Variants in TNR observed in about 807,000 individuals in gnomAD.
TNR encodes tenascin R.
TNR carries 45 observed loss-of-function variants against 150.4 expected under a neutral mutation model. The observed-to-expected ratio is 0.30, with a 90% CI of 0.24 to 0.38. The LOEUF is 0.38. Ranked by LOEUF, TNR falls within the 10% of genes least tolerant of loss-of-function variation. The pLI, the probability that TNR is intolerant of heterozygous loss-of-function variation, is 1.00. For missense variants in TNR, 1,544 were observed against 1,759.1 expected (o/e 0.88, Z 2.19); for synonymous variants, 687 against 678.4 (o/e 1.01, Z -0.20).
rs74127346 is a variant in TNR, at chr1:175,570,248, C to T, written c.-164-41879G>A. Among the ~76,000 whole-genome samples the T allele has an allele frequency of 9.3e-3, 1,422 of 152,298 alleles. 24 individuals are homozygous for T. Among genetic ancestry groups the T allele is most frequent in the African/African-American group, 0.032 (1,345 of 41,568 alleles). The stretch of plus-strand genomic sequence containing the variant: ...GCCCAGGATGAACTTTACAAACCCA[C>T]CTCAATTTCAGGCCGAGGGGCAGGG... On this transcript the variant is annotated intron_variant, in intron 1 of 22. Transcript: ENST00000367674.
intron 1 of TNR, among the ~76,000 whole-genome samples, chr1:175,680,083 C>G (rs1665983676): frequency 1.3e-5 from 2 of 152,192 alleles, no homozygotes; most frequent in South Asian, 4.1e-4. Context: ...CCAACAACCA[C>G]CCAGCTGCTC....
At chr1:175,716,071 A>T (rs1296339018) in intron 1 of TNR, among the ~76,000 whole-genome samples, 1 of 152,104 alleles carries the variant, frequency 6.6e-6, no homozygotes, top group Non-Finnish European at 1.5e-5. Flanking sequence ...GGCTAATGCA[A>T]ATGGAACAAT....
chr1:175,558,718 G>A (rs1204226903), intron 1 of TNR, among the ~76,000 whole-genome samples: 1 of 152,086 alleles, frequency 6.6e-6, no homozygotes, highest in Non-Finnish European at 1.5e-5. Context: ...TAGTTATTAT[G>A]TTTCCTCTTT....
intron 1 of TNR, among the ~76,000 whole-genome samples, chr1:175,732,388 G>C (rs951354839): frequency 1.3e-5 from 2 of 152,198 alleles, no homozygotes; most frequent in South Asian, 4.1e-4. Context: ...ACACTACCTT[G>C]TGAGACTGGA....
chr1:175,681,042 C>T (rs1666018915), intron 1 of TNR, among the ~76,000 whole-genome samples: 1 of 152,086 alleles, frequency 6.6e-6, no homozygotes, highest in Non-Finnish European at 1.5e-5. Flanking sequence ...GTGCCTGGCA[C>T]ATAGGAAGAC....
chr1:175,340,093 A>G (rs1356325333), intron 18 of TNR, among the ~76,000 whole-genome samples: 1 of 152,222 alleles, frequency 6.6e-6, no homozygotes, highest in Non-Finnish European at 1.5e-5. Flanking sequence ...GAATAAAATT[A>G]TCTTAAGAAA....
chr1:175,499,601 C>T (rs1017332445), intron 2 of TNR, among the ~76,000 whole-genome samples: 3 of 152,214 alleles, frequency 2.0e-5, no homozygotes, highest in Non-Finnish European at 4.4e-5. Context: ...TCCCTGTGTC[C>T]TATGCAAAGG....
intron 2 of TNR, among the ~76,000 whole-genome samples, chr1:175,486,881 T>C (rs1658040636): frequency 6.6e-6 from 1 of 152,262 alleles, no homozygotes; most frequent in South Asian, 2.1e-4. Flanking sequence ...CCAGTGATGA[T>C]GAACTTTTTT....
At chr1:175,680,435 G>A (rs958625924) in intron 1 of TNR, among the ~76,000 whole-genome samples, 29 of 152,090 alleles carry the variant, frequency 1.9e-4, no homozygotes, top group African/African-American at 6.5e-4. Flanking sequence ...TGAGAAAGGC[G>A]GGAGTGTGTT....
At chr1:175,429,099 A>G (rs1557928756) in intron 2 of TNR, among the ~76,000 whole-genome samples, 1 of 152,190 alleles carries the variant, frequency 6.6e-6, no homozygotes, top group East Asian at 1.9e-4. Context: ...AGAATATTCT[A>G]TGATATGGGT....
At chr1:175,373,070 T>C (rs1017097241) in intron 9 of TNR, among the ~76,000 whole-genome samples, 3 of 152,298 alleles carry the variant, frequency 2.0e-5, no homozygotes, top group African/African-American at 7.2e-5. Flanking sequence ...TGAGAAAACA[T>C]GCACAGAAGC....
intron 20 of TNR, 173 bp from the exon 21 acceptor site, chr1:175,330,408 T>C: frequency 1.6e-6 from 1 of 637,176 alleles, no homozygotes. Context: ...CCAGACTGAA[T>C]TTCTTCCTGC....
chr1:175,535,282 C>A (rs1660229289), intron 1 of TNR, among the ~76,000 whole-genome samples: 1 of 152,180 alleles, frequency 6.6e-6, no homozygotes, highest in Non-Finnish European at 1.5e-5. Context: ...AATAATCCTA[C>A]CTGCAGCAGA....
intron 1 of TNR, among the ~76,000 whole-genome samples, chr1:175,648,180 C>T (rs911438335): frequency 4.6e-5 from 7 of 152,092 alleles, no homozygotes; most frequent in African/African-American, 1.4e-4. Flanking sequence ...TAGCTGTCAC[C>T]GTCCCTAACG....
chr1:175,367,106 G>T, intron 10 of TNR, 102 bp downstream of exon 10: 1 of 984,382 alleles, frequency 1.0e-6, no homozygotes, highest in Non-Finnish European at 1.6e-6. Context: ...CTGTTCACTG[G>T]AAGACATTGC....
At chr1:175,627,720 GA>G (rs1488606495) in intron 1 of TNR, among the ~76,000 whole-genome samples, 1 of 150,442 alleles carries the variant, frequency 6.6e-6, no homozygotes, top group Non-Finnish European at 1.5e-5. Flanking sequence ...CCCCCAAAAT[GA>G]CTAAGATCAG....
intron 1 of TNR, among the ~76,000 whole-genome samples, chr1:175,529,702 T>C (rs1210398608): frequency 6.6e-6 from 1 of 152,232 alleles, no homozygotes; most frequent in African/African-American, 2.4e-5. Flanking sequence ...GGGGGGCAGA[T>C]AGCTCTGAGA....
At chr1:175,661,220 G>A (rs921160430) in intron 1 of TNR, among the ~76,000 whole-genome samples, 24 of 152,224 alleles carry the variant, frequency 1.6e-4, no homozygotes, top group African/African-American at 4.8e-4. Context: ...AGCCACCCTC[G>A]CTGAGGCACC....
At chr1:175,435,077 C>T (rs66584940) in intron 2 of TNR, among the ~76,000 whole-genome samples, 31,741 of 152,070 alleles carry the variant, frequency 0.21, 4,152 homozygotes, top group African/African-American at 0.37. Context: ...AGTTGGGAAA[C>T]TGTTGGAGAG....
Sources: gnomAD v4.1 joint callset for allele counts (sites outside exome capture counted in the v4.1 genomes callset) on GRCh38, gnomAD v4.1.1 for gene constraint, MANE v1.5 for transcripts, NCBI Gene and HGNC (gene_info 2026-07-23, HGNC 2026-07-21) for gene names.